The following TASP1 variants were observed in gnomAD, a reference collection of about 807,000 sequenced individuals.
TASP1 encodes taspase 1.
TASP1 carries 16 observed loss-of-function variants against 56.6 expected under a neutral mutation model. That is an observed-to-expected ratio of 0.28 (90% CI 0.19 to 0.43). The LOEUF (loss-of-function observed/expected upper bound fraction) is 0.43, where lower values mean the gene tolerates loss of function less well. Ranked by LOEUF, TASP1 falls within the 20% of genes least tolerant of loss-of-function variation. TASP1 has a pLI of 1.00. For missense variants in TASP1, 393 were observed against 511.6 expected, an observed-to-expected ratio of 0.77 and a Z score of 2.24; for synonymous variants, 179 against 184.2, an observed-to-expected ratio of 0.97 and a Z score of 0.23.
the TASP1 span, among the ~76,000 whole-genome samples, chr20:13,121,366 C>G: frequency 4.6e-3 from 698 of 152,306 alleles, 5 homozygotes; most frequent in African/African-American, 0.016. Context: ...AAAAAGTGAG[C>G]TCTGCCCTGC....
At chr20:13,594,722 T>G (rs1420605526) in intron 4 of TASP1, among the ~76,000 whole-genome samples, 1 of 152,172 alleles carries the variant, frequency 6.6e-6, no homozygotes, top group Admixed American at 6.5e-5. Flanking sequence ...AATATGGGAC[T>G]ATGTGAAAAG....
the TASP1 span, among the ~76,000 whole-genome samples, chr20:13,143,632 T>C: frequency 6.6e-6 from 1 of 152,174 alleles, no homozygotes; most frequent in African/African-American, 2.4e-5. Context: ...CCCATCAATT[T>C]TTCCCCATAC....
chr20:13,244,956 G>C, the TASP1 span, among the ~76,000 whole-genome samples: 6 of 152,194 alleles, frequency 3.9e-5, no homozygotes, highest in Admixed American at 1.3e-4. Context: ...AACAATGAAA[G>C]AAAGGAGTGG....
At chr20:13,515,909 T>A (rs1193554561) in intron 10 of TASP1, among the ~76,000 whole-genome samples, 1 of 152,116 alleles carries the variant, frequency 6.6e-6, no homozygotes, top group Non-Finnish European at 1.5e-5. Flanking sequence ...GGCATGACTT[T>A]AAAGTACACA....
At chr20:13,394,096 C>T (rs1380111109) in intron 13 of TASP1, among the ~76,000 whole-genome samples, 2 of 151,114 alleles carry the variant, frequency 1.3e-5, no homozygotes, top group Non-Finnish European at 2.9e-5. Context: ...GCCTGGCCAA[C>T]AGGGCGAAAC....
chr20:13,591,868 A>G (rs967347071), intron 4 of TASP1, among the ~76,000 whole-genome samples: 3 of 152,164 alleles, frequency 2.0e-5, no homozygotes, highest in Admixed American at 1.3e-4. Flanking sequence ...AAGGCCTATA[A>G]TATTAATATA....
chr20:13,160,117 G>T, the TASP1 span: 2 of 1,613,798 alleles, frequency 1.2e-6, no homozygotes, highest in Admixed American at 3.3e-5. Flanking sequence ...CACATACCCG[G>T]GAGATGTTAG....
chr20:13,276,317 C>G, the TASP1 span, among the ~76,000 whole-genome samples: 2 of 152,168 alleles, frequency 1.3e-5, no homozygotes, highest in Non-Finnish European at 2.9e-5. Context: ...ATCACCTAGA[C>G]TGAGAATGGT....
chr20:13,527,520 G>A (rs911977122), intron 10 of TASP1, among the ~76,000 whole-genome samples: 1 of 152,116 alleles, frequency 6.6e-6, no homozygotes, highest in African/African-American at 2.4e-5. Flanking sequence ...ACGTACATCT[G>A]GCACAGGCAT....
the TASP1 span, among the ~76,000 whole-genome samples, chr20:13,322,816 T>C: frequency 6.6e-6 from 1 of 152,044 alleles, no homozygotes; most frequent in Non-Finnish European, 1.5e-5. Flanking sequence ...TAGCACTGTG[T>C]CAACTTGAAA....
chr20:13,162,455 T>C, the TASP1 span, among the ~76,000 whole-genome samples: 1 of 152,124 alleles, frequency 6.6e-6, no homozygotes, highest in Non-Finnish European at 1.5e-5. Context: ...CATGTGCCCA[T>C]CTCAACAGAA....
chr20:13,507,465 G>A (rs530533122), intron 10 of TASP1, among the ~76,000 whole-genome samples: 2 of 152,120 alleles, frequency 1.3e-5, no homozygotes, highest in East Asian at 1.9e-4. Context: ...CCCAGGAGGC[G>A]ATTCCATTGA....
the TASP1 span, among the ~76,000 whole-genome samples, chr20:13,363,536 A>G: frequency 6.6e-6 from 1 of 152,254 alleles, no homozygotes; most frequent in South Asian, 2.1e-4. Context: ...TAGCAAATTA[A>G]TCAAAACAAA....
At chr20:13,408,450 T>C (rs576073328) in intron 13 of TASP1, among the ~76,000 whole-genome samples, 1 of 152,320 alleles carries the variant, frequency 6.6e-6, no homozygotes, top group East Asian at 1.9e-4. Flanking sequence ...ATGACAGCTA[T>C]TGGTCTGTAG....
the TASP1 span, among the ~76,000 whole-genome samples, chr20:13,178,214 AC>A: frequency 6.6e-6 from 1 of 152,092 alleles, no homozygotes; most frequent in Non-Finnish European, 1.5e-5. Flanking sequence ...GTAATATCTC[AC>A]CCCAGTTAAG....
chr20:13,309,390 T>C, the TASP1 span, among the ~76,000 whole-genome samples: 1 of 152,010 alleles, frequency 6.6e-6, no homozygotes, highest in Non-Finnish European at 1.5e-5. Flanking sequence ...TAATAAAAAC[T>C]CTCAATGAAT....
At chr20:13,208,798 G>A in the TASP1 span, among the ~76,000 whole-genome samples, 1 of 152,216 alleles carries the variant, frequency 6.6e-6, no homozygotes, top group Non-Finnish European at 1.5e-5. Context: ...CTGGGCCACA[G>A]GCCTCCTCAC....
At chr20:13,246,204 C>T in the TASP1 span, among the ~76,000 whole-genome samples, 27 of 149,884 alleles carry the variant, frequency 1.8e-4, 1 homozygote, top group South Asian at 3.0e-3. Context: ...ACCCAGGAGG[C>T]GGAGGTTGCA....
chr20:13,266,936 A>G, the TASP1 span, among the ~76,000 whole-genome samples: 1 of 152,182 alleles, frequency 6.6e-6, no homozygotes, highest in Non-Finnish European at 1.5e-5. Context: ...TGCAAGGAGG[A>G]TGTGCAGTAA....
Sources: gnomAD v4.1 joint callset for allele counts (sites outside exome capture counted in the v4.1 genomes callset) on GRCh38, gnomAD v4.1.1 for gene constraint, MANE v1.5 for transcripts, NCBI Gene and HGNC (gene_info 2026-07-23, HGNC 2026-07-21) for gene names.